Variants in FAM135A observed in about 807,000 individuals in gnomAD.
FAM135A encodes family with sequence similarity 135 member A.
A neutral mutation model predicts 146.8 loss-of-function variants in FAM135A; 79 were observed. That is an observed-to-expected ratio of 0.54 (90% CI 0.45 to 0.65). FAM135A has a LOEUF of 0.65. Ranked by LOEUF, FAM135A falls within the 30% of genes least tolerant of loss-of-function variation. FAM135A has a pLI of 0.00. For missense variants in FAM135A, 1,623 were observed against 1,758.2 expected (o/e 0.92, Z 1.38); for synonymous variants, 562 against 603.6 (o/e 0.93, Z 1.01).
intron 8 of FAM135A, among the ~76,000 whole-genome samples, chr6:70,478,817 AG>A (rs1264447582): frequency 1.1e-4 from 16 of 152,252 alleles, no homozygotes; most frequent in African/African-American, 3.4e-4. Context: ...AGCTTTTATA[AG>A]CAGGAAGGTG....
chr6:70,455,147 C>G (rs1778051913), intron 5 of FAM135A, among the ~76,000 whole-genome samples: 1 of 152,048 alleles, frequency 6.6e-6, no homozygotes, highest in South Asian at 2.1e-4. Flanking sequence ...TCCTTCACAT[C>G]CCTTGTAAGT....
In FAM135A at chr6:70,452,563, A is replaced by G. The variant is rs1777352725; in HGVS notation, c.149A>G (p.His50Arg). The G allele has an allele frequency of 6.3e-7, 1 of 1,582,692 alleles. No individual in the cohort carries two copies. Among genetic ancestry groups the G allele is most frequent in the Non-Finnish European group, 8.5e-7 (1 of 1,170,472 alleles). The change falls in exon 5 of 22, where the codon CAT becomes CGT. Residue 50 changes from histidine to arginine, a missense_variant. This residue lies in a region of FAM135A where 171 missense variants were observed against 164.9 expected (regional missense o/e 1.04). Coordinates refer to ENST00000418814, the MANE Select transcript of FAM135A (RefSeq NM_001162529.3). ...IPHRVEASLL[H>R]ATGMTLAFPA... Reference sequence around the variant, plus strand: ...CACAGAGTAGAAGCTAGTTTGTTGCATGCAACAGGTAAGCCAAAGAATACA... The same window carrying G: ...CACAGAGTAGAAGCTAGTTTGTTGCGTGCAACAGGTAAGCCAAAGAATACA...
chr6:70,493,276 G>T (rs1417485020), intron 11 of FAM135A, among the ~76,000 whole-genome samples: 1 of 151,998 alleles, frequency 6.6e-6, no homozygotes, highest in African/African-American at 2.4e-5. Context: ...TTGTGTTTAT[G>T]TGATTACATA....
chr6:70,512,705 T>C (rs1183924087), intron 12 of FAM135A, among the ~76,000 whole-genome samples: 2 of 151,884 alleles, frequency 1.3e-5, no homozygotes, highest in Admixed American at 1.3e-4. Flanking sequence ...ATATTCTAGT[T>C]ATGGATCCAT....
chr6:70,421,760 G>T (rs1321266936), intron 2 of FAM135A, among the ~76,000 whole-genome samples: 1 of 152,142 alleles, frequency 6.6e-6, no homozygotes, highest in Non-Finnish European at 1.5e-5. Context: ...ATGTCACTTT[G>T]CCAGGGCCAG....
At chr6:70,519,173 C>T (rs565582983) in intron 12 of FAM135A, among the ~76,000 whole-genome samples, 23 of 152,200 alleles carry the variant, frequency 1.5e-4, no homozygotes, top group African/African-American at 3.6e-4. Flanking sequence ...TTGAAGGGGT[C>T]ACGACGAGTG....
chr6:70,428,528 T>C (rs865785962), intron 4 of FAM135A, 109 bp downstream of exon 4: 10 of 590,600 alleles, frequency 1.7e-5, no homozygotes, highest in African/African-American at 1.6e-4. Flanking sequence ...CAATGAACTA[T>C]ATTCAAGTAA....
intron 12 of FAM135A, among the ~76,000 whole-genome samples, chr6:70,509,187 A>G (rs2128285415): frequency 6.6e-6 from 1 of 152,258 alleles, no homozygotes; most frequent in East Asian, 1.9e-4. Context: ...TAATCCCAGC[A>G]CTGTGGAAGG....
rs779041932 is a variant in FAM135A at position 70,525,428 on chromosome 6, C to T, written c.2344C>T (p.His782Tyr). ...AAGTGAACCGAGTTCTTTTGCGACACATCCAAACACTGATTTAGTCTTTGA... is the reference window on the plus strand; with the variant it reads ...AAGTGAACCGAGTTCTTTTGCGACATATCCAAACACTGATTTAGTCTTTGA... ...VESEPSSFATHPNTDLVFETV... is the reference protein window; with the variant it reads ...VESEPSSFATYPNTDLVFETV... The change falls in exon 15 of 22, where the codon CAT becomes TAT. Residue 782 changes from histidine (H) to tyrosine (Y), a missense_variant. Coordinates refer to ENST00000418814, the MANE Select transcript of FAM135A (RefSeq NM_001162529.3). 6.2e-7 allele frequency: 1 copy of T among 1,613,610 alleles called. No homozygotes were observed.
chr6:70,469,974 G>C (rs1299936429), intron 5 of FAM135A, among the ~76,000 whole-genome samples: 1 of 151,500 alleles, frequency 6.6e-6, no homozygotes, highest in Non-Finnish European at 1.5e-5. Flanking sequence ...CCTGGGCACA[G>C]AGTAAGACTC....
intron 20 of FAM135A, among the ~76,000 whole-genome samples, chr6:70,547,114 C>G (rs1362531479): frequency 1.9e-4 from 29 of 152,046 alleles, no homozygotes. Flanking sequence ...TGCTTAGAGT[C>G]TTTTTACCAG....
At chr6:70,429,057 G>A (rs1273623222) in intron 4 of FAM135A, among the ~76,000 whole-genome samples, 1 of 152,128 alleles carries the variant, frequency 6.6e-6, no homozygotes, top group Non-Finnish European at 1.5e-5. Context: ...TTCTGGTTTA[G>A]TATGTTAGAA....
chr6:70,454,201 C>T (rs1777766251), intron 5 of FAM135A, among the ~76,000 whole-genome samples: 1 of 152,156 alleles, frequency 6.6e-6, no homozygotes, highest in Non-Finnish European at 1.5e-5. Flanking sequence ...GCATAAATGT[C>T]TTCTTTTGAA....
At chr6:70,526,810 T>TAA in intron 15 of FAM135A, 112 bp downstream of exon 15, 1 of 812,372 alleles carries the variant, frequency 1.2e-6, no homozygotes, top group South Asian at 2.3e-5. Context: ...CACATATATA[T>TAA]ATAAAATCAT....
intron 20 of FAM135A, among the ~76,000 whole-genome samples, chr6:70,544,528 C>CA (rs939605650): frequency 2.1e-4 from 32 of 151,122 alleles, no homozygotes; most frequent in African/African-American, 6.6e-4. Context: ...AACTCCATCC[C>CA]AAAAAAAAGA....
chr6:70,493,764 T>A (rs1670249330), intron 11 of FAM135A, among the ~76,000 whole-genome samples: 1 of 152,136 alleles, frequency 6.6e-6, no homozygotes, highest in South Asian at 2.1e-4. Flanking sequence ...TTAAAAATGA[T>A]GTTTTTGGCC....
intron 12 of FAM135A, among the ~76,000 whole-genome samples, chr6:70,512,741 C>A (rs1192341683): frequency 6.6e-6 from 1 of 151,610 alleles, no homozygotes; most frequent in Non-Finnish European, 1.5e-5. Context: ...TTAAATTCTC[C>A]TAGCCTGAGG....
At chr6:70,445,433 C>T (rs142115981) in intron 4 of FAM135A, among the ~76,000 whole-genome samples, 26 of 152,248 alleles carry the variant, frequency 1.7e-4, no homozygotes, top group African/African-American at 4.6e-4. Context: ...TGTAGAGGTG[C>T]GGAGTGGGAA....
Position 70,487,027 on chromosome 6 carries a change from G to A in FAM135A, c.824-4007G>A, listed in dbSNP as rs191795298. On this transcript the variant is annotated intron_variant, in intron 10 of 21. Transcript: ENST00000418814. ...GAACCCAGAAGGTGAAGGTTGCAGTGAGCCAAGATCGTGCCACTGCACTCC... is the reference window on the plus strand; with the variant it reads ...GAACCCAGAAGGTGAAGGTTGCAGTAAGCCAAGATCGTGCCACTGCACTCC... Among the ~76,000 whole-genome samples, 473 of 133,622 alleles carry A rather than the reference G, an allele frequency of 3.5e-3. 3 individuals are homozygous for A. Among genetic ancestry groups the A allele is most frequent in the Admixed American group, 9.0e-3 (104 of 11,522 alleles). The allele number at this position is 133,622 out of a possible 152,430, so 87.7% of individuals were successfully genotyped here.
Sources: allele counts gnomAD v4.1 joint callset (sites outside exome capture counted in the v4.1 genomes callset), GRCh38; gene constraint gnomAD v4.1.1; regional missense constraint gnomAD v4.1.1; transcripts MANE v1.5; gene names NCBI Gene and HGNC (gene_info 2026-07-23, HGNC 2026-07-21).